The following CMTM4 variants were observed in gnomAD, a reference collection of about 807,000 sequenced individuals.
CMTM4 encodes the protein CKLF like MARVEL transmembrane domain containing 4, also known as CKLF-like MARVEL transmembrane domain-containing protein 4.
Under a neutral mutation model 19.0 loss-of-function variants are expected in CMTM4, and 8 were observed. The ratio of observed to expected loss-of-function variants is 0.42; its 90% CI spans 0.25 to 0.76. The LOEUF is 0.76. Among genes scored for constraint, CMTM4 ranks in the 30% least tolerant of loss-of-function variants. CMTM4 has a pLI of 0.27. For missense variants in CMTM4, 228 were observed against 290.2 expected, an observed-to-expected ratio of 0.79 and a Z score of 1.56; for synonymous variants, 106 against 121.1, an observed-to-expected ratio of 0.88 and a Z score of 0.82.
At position 66,672,451 on chromosome 16, in the gene CMTM4, G is replaced by A. The variant is rs548911023; in HGVS notation, c.186+23889C>T. On this transcript the variant is annotated intron_variant, in intron 1 of 3. Transcript: ENST00000394106. ...AAAAAAAAACCTAATGACCAGAACC[G>A]TAATTACTTTTGCAACAACTTATAT... 4.0e-4 allele frequency among the ~76,000 whole-genome samples: 59 copies of A among 149,026 alleles called. 2 individuals are homozygous for A. The highest frequency in any genetic ancestry group is 1.3e-3 in the African/African-American group (52 of 40,660).
intron 2 of CMTM4, 88 bp downstream of exon 2, chr16:66,636,317 C>A: frequency 9.4e-7 from 1 of 1,061,558 alleles, no homozygotes; most frequent in Non-Finnish European, 1.4e-6. Context: ...TGAACTAGAA[C>A]CAAACATGAC....
chr16:66,689,461 G>C (rs759607814), intron 1 of CMTM4, among the ~76,000 whole-genome samples: 1 of 152,212 alleles, frequency 6.6e-6, no homozygotes, highest in Non-Finnish European at 1.5e-5. Context: ...GCCCAGGCTG[G>C]AGTGTAGTGG....
chr16:66,686,592 A>C (rs986680672), intron 1 of CMTM4, among the ~76,000 whole-genome samples: 3 of 151,624 alleles, frequency 2.0e-5, no homozygotes, highest in African/African-American at 7.3e-5. Context: ...GTGGAGAAAG[A>C]ATTAATTTAG....
intron 1 of CMTM4, among the ~76,000 whole-genome samples, chr16:66,670,878 G>A (rs2016692316): frequency 6.6e-6 from 1 of 152,072 alleles, no homozygotes; most frequent in Non-Finnish European, 1.5e-5. Flanking sequence ...TGTGGTATGT[G>A]TAATAACCCA....
the CMTM4 span, among the ~76,000 whole-genome samples, chr16:66,601,107 CTGTGTGTGTGTGTG>C: frequency 7.0e-6 from 1 of 142,926 alleles, no homozygotes; most frequent in Non-Finnish European, 1.5e-5. Flanking sequence ...GTGTGTGTGT[CTGTGTGTGTGTGTG>C]TGTGTGTGTG....
At chr16:66,652,580 A>G (rs1025912696) in intron 1 of CMTM4, among the ~76,000 whole-genome samples, 5 of 152,202 alleles carry the variant, frequency 3.3e-5, no homozygotes, top group Admixed American at 6.5e-5. Context: ...TCTCACCTTC[A>G]ACGTAAATTT....
chr16:66,678,971 C>T (rs1400679539), intron 1 of CMTM4, among the ~76,000 whole-genome samples: 2 of 151,662 alleles, frequency 1.3e-5, no homozygotes, highest in African/African-American at 2.4e-5. Flanking sequence ...TGGTGGTGCA[C>T]GCCTGTGGTC....
chr16:66,645,534 G>C (rs549825080), intron 1 of CMTM4, among the ~76,000 whole-genome samples: 1 of 152,004 alleles, frequency 6.6e-6, no homozygotes, highest in Admixed American at 6.6e-5. Context: ...CCAAGATTGC[G>C]CCACTGCATT....
intron 1 of CMTM4, among the ~76,000 whole-genome samples, chr16:66,650,107 G>C (rs1001612171): frequency 2.0e-5 from 3 of 152,178 alleles, no homozygotes; most frequent in Non-Finnish European, 4.4e-5. Context: ...GAGGCTTTAG[G>C]AGGCTTCCCA....
At chr16:66,631,793 C>A (rs548503002) in intron 2 of CMTM4, among the ~76,000 whole-genome samples, 1 of 152,270 alleles carries the variant, frequency 6.6e-6, no homozygotes, top group African/African-American at 2.4e-5. Flanking sequence ...ACAAACACTG[C>A]GGAAGGCCAC....
chr16:66,605,995 C>G, the CMTM4 span, among the ~76,000 whole-genome samples: 1 of 152,018 alleles, frequency 6.6e-6, no homozygotes, highest in African/African-American at 2.4e-5. The surrounding 1 kb of genome is among the most constrained non-coding windows in gnomAD (Gnocchi z 4.6). Flanking sequence ...GGAGAAGCCT[C>G]GAATCCACCG....
the CMTM4 span, chr16:66,609,464 C>T: frequency 1.8e-5 from 29 of 1,612,928 alleles, no homozygotes; most frequent in Non-Finnish European, 2.2e-5. This position sits in a 1 kb window ranked among gnomAD's most constrained non-coding sequence, Gnocchi z 4.4. Flanking sequence ...CCGCGGCCCT[C>T]ATCTACTTTG....
chr16:66,645,932 T>C (rs1402678095), intron 1 of CMTM4, among the ~76,000 whole-genome samples: 1 of 152,090 alleles, frequency 6.6e-6, no homozygotes, highest in Non-Finnish European at 1.5e-5. Context: ...TGAGCTGAGA[T>C]TGCGCCACTG....
rs2015550939 is a variant in CMTM4 at position 66,617,579 on chromosome 16, A to G, written c.*4479T>C. The G allele has an allele frequency of 7.0e-6, 9 of 1,288,428 alleles. No homozygotes were observed. The highest frequency in any genetic ancestry group is 8.9e-6 in the Non-Finnish European group (9 of 1,015,944). The allele number at this position is 1,288,428 out of a possible 1,614,324, so 79.8% of individuals were successfully genotyped here. ...ACAGATATTGACGGTATTTTCTCTC[A>G]CAGTTTCTAAATAAAAGAAACATAA... On this transcript the variant is annotated 3_prime_UTR_variant, in exon 4 of 4. Transcript: ENST00000394106.
chr16:66,607,875 CT>C, the CMTM4 span, among the ~76,000 whole-genome samples: 1 of 151,408 alleles, frequency 6.6e-6, no homozygotes, highest in Non-Finnish European at 1.5e-5. Context: ...CAGGGTCTCT[CT>C]CTCTCTCACC....
the CMTM4 span, chr16:66,604,607 TC>T: frequency 3.1e-6 from 1 of 320,588 alleles, no homozygotes; most frequent in East Asian, 5.1e-5. Flanking sequence ...GGGCCCAGCA[TC>T]CCCCGCAGCC....
chr16:66,674,924 G>T (rs553070368), intron 1 of CMTM4, among the ~76,000 whole-genome samples: 71 of 151,482 alleles, frequency 4.7e-4, no homozygotes, highest in Non-Finnish European at 8.8e-4. Context: ...TGTATTTTTA[G>T]TAGAGGTGGG....
At chr16:66,674,817 C>A (rs1191875161) in intron 1 of CMTM4, among the ~76,000 whole-genome samples, 1 of 133,436 alleles carries the variant, frequency 7.5e-6, no homozygotes, top group African/African-American at 2.8e-5. Context: ...TCTCAGCTTA[C>A]TGCAACCTCC....
At chr16:66,603,158 G>A in the CMTM4 span, among the ~76,000 whole-genome samples, 41 of 152,314 alleles carry the variant, frequency 2.7e-4, no homozygotes, top group African/African-American at 8.9e-4. Context: ...TCTTATGAAC[G>A]GCAGTGGGAT....
Sources: allele counts gnomAD v4.1 joint callset (sites outside exome capture counted in the v4.1 genomes callset), GRCh38; gene constraint gnomAD v4.1.1; non-coding constraint Gnocchi (gnomAD v3.1); transcripts MANE v1.5; gene names NCBI Gene and HGNC (gene_info 2026-07-23, HGNC 2026-07-21).